Variants in EFEMP1 observed in about 807,000 individuals in gnomAD.
EFEMP1 encodes EGF-containing fibulin-like extracellular matrix protein 1.
EFEMP1 carries 18 observed loss-of-function variants against 65.7 expected under a neutral mutation model. The observed-to-expected ratio is 0.27, with a 90% CI of 0.19 to 0.41. EFEMP1 has a LOEUF of 0.41. EFEMP1 is among the 10% of genes least tolerant of loss of function. The pLI is 1.00. For missense variants in EFEMP1, 469 were observed against 624.8 expected (o/e 0.75, Z 2.66); for synonymous variants, 237 against 219.7 (o/e 1.08, Z -0.70).
rs1410278194 is a variant in EFEMP1, at chr2:55,919,488, G to A, written c.82-1221C>T. Among the ~76,000 whole-genome samples, 2 of 152,180 alleles carry A rather than the reference G, an allele frequency of 1.3e-5. No homozygotes were observed. Among genetic ancestry groups the A allele is most frequent in the Non-Finnish European group, 2.9e-5 (2 of 68,036 alleles). On this transcript the variant is annotated intron_variant, in intron 3 of 11. Transcript: ENST00000355426. This position sits in a 1 kb window ranked among gnomAD's most constrained non-coding sequence, Gnocchi z 4.5. Reference sequence around the variant, plus strand: ...CTTCTTGAGAAATGTTGCTACAGGCGATAAGAGGCCTCTGAAGAATTTTTA... The same window carrying A: ...CTTCTTGAGAAATGTTGCTACAGGCAATAAGAGGCCTCTGAAGAATTTTTA...
At chr2:55,912,453 CAAAG>C (rs1670511248) in intron 5 of EFEMP1, among the ~76,000 whole-genome samples, 1 of 152,058 alleles carries the variant, frequency 6.6e-6, no homozygotes, top group African/African-American at 2.4e-5. Flanking sequence ...TGAAAGAAGT[CAAAG>C]AAAGATATCC....
intron 5 of EFEMP1, among the ~76,000 whole-genome samples, chr2:55,909,032 G>A (rs1670385406): frequency 6.6e-6 from 1 of 152,144 alleles, no homozygotes. Context: ...AGTAGCATAA[G>A]CTTAAAACGG....
At position 55,921,592 on chromosome 2, in the gene EFEMP1, G is replaced by A. The variant is rs1670907860; in HGVS notation, c.81+768C>T. On this transcript the variant is annotated intron_variant, in intron 3 of 11. Coordinates refer to ENST00000355426, the MANE Select transcript of EFEMP1 (RefSeq NM_001039348.3). This position sits in a 1 kb window ranked among gnomAD's most constrained non-coding sequence, Gnocchi z 4.1. ...AACAGAGGTGCAAACAAACTCACCA[G>A]AAGTGAAGTCAGTACTGTCCTTCTC... Among the ~76,000 whole-genome samples, 1 of 152,244 alleles carries A rather than the reference G, an allele frequency of 6.6e-6. No individual in the cohort carries two copies. Among genetic ancestry groups the A allele is most frequent in the Admixed American group, 6.5e-5 (1 of 15,286 alleles).
rs1227205609 is a variant in EFEMP1 at position 55,886,448 on chromosome 2, T to G, written c.518-4714A>C. Among the ~76,000 whole-genome samples, 3 of 152,228 alleles carry G rather than the reference T, an allele frequency of 2.0e-5. No homozygotes were observed. The highest frequency in any genetic ancestry group is 7.2e-5 in the African/African-American group (3 of 41,456). On this transcript the variant is annotated intron_variant, in intron 5 of 11. Coordinates refer to ENST00000355426, the MANE Select transcript of EFEMP1 (RefSeq NM_001039348.3). This position sits in a 1 kb window ranked among gnomAD's most constrained non-coding sequence, Gnocchi z 4.0. Reference sequence around the variant, plus strand: ...GGTTAAAGAAAAGATAGTGGTTAAATTCAAGTTGGTGATACTTCTTGATCT... The same window carrying G: ...GGTTAAAGAAAAGATAGTGGTTAAAGTCAAGTTGGTGATACTTCTTGATCT...
intron 5 of EFEMP1, among the ~76,000 whole-genome samples, chr2:55,907,469 A>G (rs1033205251): frequency 6.6e-6 from 1 of 152,212 alleles, no homozygotes; most frequent in Non-Finnish European, 1.5e-5. Flanking sequence ...TAAAAATACG[A>G]TTCTGAGGAT....
At chr2:55,899,780 T>A (rs1327307286) in intron 5 of EFEMP1, among the ~76,000 whole-genome samples, 1 of 152,288 alleles carries the variant, frequency 6.6e-6, no homozygotes, top group South Asian at 2.1e-4. Flanking sequence ...ATCAGGAAAG[T>A]GGACTCTGCT....
At chr2:55,912,744 A>G (rs1250223592) in intron 5 of EFEMP1, among the ~76,000 whole-genome samples, 1 of 152,242 alleles carries the variant, frequency 6.6e-6, no homozygotes, top group African/African-American at 2.4e-5. Context: ...ATGACAAAAT[A>G]AAATGATTGA....
At chr2:55,905,677 G>A (rs548010194) in intron 5 of EFEMP1, among the ~76,000 whole-genome samples, 3 of 152,262 alleles carry the variant, frequency 2.0e-5, no homozygotes, top group South Asian at 4.1e-4. Flanking sequence ...TGGAACTCCC[G>A]ACCTCAGGTG....
Position 55,894,074 on chromosome 2 carries a change from C to T in EFEMP1, c.518-12340G>A, listed in dbSNP as rs535248010. Among the ~76,000 whole-genome samples, 5 of 152,158 alleles carry T rather than the reference C, an allele frequency of 3.3e-5. No homozygotes were observed. The South Asian group carries it at 1.0e-3, about 32-fold the overall frequency. ...TAATATTTGATTCCATAAAATCAGT[C>T]CTATCAGAGGAAAGGACTGTTGATG... is the stretch of plus-strand genomic sequence containing the variant. On this transcript the variant is annotated intron_variant, in intron 5 of 11. Coordinates refer to ENST00000355426, the MANE Select transcript of EFEMP1 (RefSeq NM_001039348.3).
At position 55,892,446 on chromosome 2, in the gene EFEMP1, G is replaced by A. The variant is rs921257849; in HGVS notation, c.518-10712C>T. Among the ~76,000 whole-genome samples the A allele has an allele frequency of 1.3e-5, 2 of 151,922 alleles. 1 individual carries two copies. The highest frequency in any genetic ancestry group is 4.8e-5 in the African/African-American group (2 of 41,340). ...GTCATGGATCTCCATTTCTTCTTGCGTCCTTTTTCAATTTTCAGTGGTGAC... is the reference window on the plus strand; with the variant it reads ...GTCATGGATCTCCATTTCTTCTTGCATCCTTTTTCAATTTTCAGTGGTGAC... On this transcript the variant is annotated intron_variant, in intron 5 of 11. Transcript: ENST00000355426.
chr2:55,899,491 T>G (rs928853691), intron 5 of EFEMP1, among the ~76,000 whole-genome samples: 2 of 152,296 alleles, frequency 1.3e-5, no homozygotes, highest in East Asian at 3.9e-4. Context: ...AAACTTACAT[T>G]AACAATTTGG....
rs1055841911 is a variant in EFEMP1, at chr2:55,870,481, G to A, written c.1320+239C>T. On this transcript the variant is annotated intron_variant, in intron 11 of 11. Coordinates refer to ENST00000355426, the MANE Select transcript of EFEMP1 (RefSeq NM_001039348.3). The surrounding 1 kb of genome is among the most constrained non-coding windows in gnomAD (Gnocchi z 5.8). ...TTCAGGGATGCTACTTAATCTTTCTGCATCTCACTTTTCTCCTCTGTAAAA... is the reference window on the plus strand; with the variant it reads ...TTCAGGGATGCTACTTAATCTTTCTACATCTCACTTTTCTCCTCTGTAAAA... 5.9e-5 allele frequency among the ~76,000 whole-genome samples: 9 copies of A among 151,998 alleles called. No homozygotes were observed. Among genetic ancestry groups the A allele is most frequent in the Non-Finnish European group, 1.2e-4 (8 of 67,982 alleles).
At position 55,922,506 on chromosome 2, in the gene EFEMP1, A is replaced by C; in HGVS notation, c.-7-59T>G. 1 of 1,494,504 alleles carries C rather than the reference A, an allele frequency of 6.7e-7. No individual in the cohort carries two copies. The highest frequency in any genetic ancestry group is 9.3e-7 in the Non-Finnish European group (1 of 1,074,742). 92.6% of individuals were successfully genotyped at this position (1,494,504 alleles called of 1,614,324 possible). A position where few individuals can be genotyped will look rare whatever the true frequency, so the allele number is the denominator to read the frequency against. Reference sequence around the variant, plus strand: ...TATCTGCTGCGGGGAAAGTAACAAAACTTTAGCAGTGAGCACAAGCGAGGA... The same window carrying C: ...TATCTGCTGCGGGGAAAGTAACAAACCTTTAGCAGTGAGCACAAGCGAGGA... On this transcript the variant is annotated intron_variant, in intron 2 of 11. Transcript: ENST00000355426. The surrounding 1 kb of genome is among the most constrained non-coding windows in gnomAD (Gnocchi z 5.5).
chr2:55,904,901 A>ACTAAATAC (rs1459721183), intron 5 of EFEMP1, among the ~76,000 whole-genome samples: 2 of 150,310 alleles, frequency 1.3e-5, no homozygotes, highest in Non-Finnish European at 2.9e-5. Flanking sequence ...GAGAACCTTG[A>ACTAAATAC]CTAAATACAG....
Position 55,917,867 on chromosome 2 carries a change from G to A in EFEMP1, c.315C>T (p.Ser105=), listed in dbSNP as rs755653824. The A allele has an allele frequency of 1.2e-6, 2 of 1,614,258 alleles. No individual in the cohort carries two copies. Among genetic ancestry groups the A allele is most frequent in the Non-Finnish European group, 1.7e-6 (2 of 1,180,046 alleles). ...GCAACACTCCACTGGTTGCCATGCT[G>A]CTGGCAGCTACAACCCCGGTGGTTG... is the stretch of plus-strand genomic sequence containing the variant. The part of the protein sequence containing the change: ...SGATTGVVAA[S]SMATSGVLPG... The change falls in exon 5 of 12, where the codon AGC becomes AGT. Residue 105 remains serine, a synonymous_variant. Transcript: ENST00000355426. This position sits in a 1 kb window ranked among gnomAD's most constrained non-coding sequence, Gnocchi z 6.3.
At chr2:55,890,796 A>G (rs1669600641) in intron 5 of EFEMP1, among the ~76,000 whole-genome samples, 1 of 152,132 alleles carries the variant, frequency 6.6e-6, no homozygotes, top group Admixed American at 6.5e-5. Flanking sequence ...ATGCCAGCCC[A>G]TAAGAAGGCC....
Position 55,921,359 on chromosome 2 carries a change from T to C in EFEMP1, c.81+1001A>G, listed in dbSNP as rs919283270. Among the ~76,000 whole-genome samples, 1 of 152,258 alleles carries C rather than the reference T, an allele frequency of 6.6e-6. No homozygotes were observed. Among genetic ancestry groups the C allele is most frequent in the Non-Finnish European group, 1.5e-5 (1 of 68,040 alleles). On this transcript the variant is annotated intron_variant, in intron 3 of 11. Coordinates refer to ENST00000355426, the MANE Select transcript of EFEMP1 (RefSeq NM_001039348.3). The surrounding 1 kb of genome is among the most constrained non-coding windows in gnomAD (Gnocchi z 4.1). ...CAGATGAATACTAACATTCTAGGGA[T>C]AATGTGGTACCAAAAAGTGAGATAA...
chr2:55,908,822 T>A (rs139515943), intron 5 of EFEMP1, among the ~76,000 whole-genome samples: 167 of 152,258 alleles, frequency 1.1e-3, no homozygotes, highest in African/African-American at 3.8e-3. Flanking sequence ...TTATTCACCA[T>A]GAGATTTCTG....
chr2:55,901,534 T>G (rs1258127029), intron 5 of EFEMP1, among the ~76,000 whole-genome samples: 1 of 152,152 alleles, frequency 6.6e-6, no homozygotes, highest in Admixed American at 6.5e-5. Flanking sequence ...ACCACACCCA[T>G]TAGGCTGCCT....
Sources: gnomAD v4.1 joint callset for allele counts (sites outside exome capture counted in the v4.1 genomes callset) on GRCh38, gnomAD v4.1.1 for gene constraint, Gnocchi (gnomAD v3.1) non-coding constraint, MANE v1.5 for transcripts, NCBI Gene and HGNC (gene_info 2026-07-23, HGNC 2026-07-21) for gene names.